UMAD1: variants seen among roughly 807,000 people sequenced by gnomAD.
UMAD1 encodes UBAP1-MVB12-associated (UMA)-domain containing protein 1.
Under a neutral mutation model 6.1 loss-of-function variants are expected in UMAD1, and 8 were observed. The observed-to-expected ratio is 1.30, with a 90% CI of 0.76 to 2.35. UMAD1 has a LOEUF of 2.35. Ranked by LOEUF, UMAD1 falls within the 30% of genes most tolerant of loss-of-function variation. UMAD1 has a pLI of 0.00. For missense variants in UMAD1, 130 were observed against 78.4 expected, an observed-to-expected ratio of 1.66 and a Z score of -2.49; for synonymous variants, 56 against 31.4, an observed-to-expected ratio of 1.78 and a Z score of -2.61.
chr7:7,865,516 C>T (rs1304886770), intron 3 of UMAD1, among the ~76,000 whole-genome samples: 2 of 152,184 alleles, frequency 1.3e-5, no homozygotes, highest in African/African-American at 4.8e-5. Context: ...AAAAAAATCC[C>T]TGTTTATGGA....
chr7:7,838,755 G>A (rs1220475507), intron 3 of UMAD1, among the ~76,000 whole-genome samples: 2 of 152,066 alleles, frequency 1.3e-5, no homozygotes, highest in African/African-American at 4.8e-5. Flanking sequence ...TACTCTTAAG[G>A]ATATGAAAAT....
rs1554329018 is a variant in UMAD1, at chr7:7,789,626, C to CCT, written c.83-12043_83-12042insTC. 1.8e-3 allele frequency among the ~76,000 whole-genome samples: 268 copies of CCT among 151,330 alleles called. 3 individuals are homozygous for CCT. The highest frequency in any genetic ancestry group is 6.4e-3 in the African/African-American group (262 of 40,836). ...TAAACAAAATACCCCTTCTCCCCTCCCCACAGACCCTGGAAACCACCATTC... is the reference window on the plus strand; with the variant it reads ...TAAACAAAATACCCCTTCTCCCCTCCCTCCACAGACCCTGGAAACCACCATTC... On this transcript the variant is annotated intron_variant, in intron 2 of 3. Transcript: ENST00000682710.
At chr7:7,833,936 G>A (rs762212665) in intron 3 of UMAD1, among the ~76,000 whole-genome samples, 14 of 151,656 alleles carry the variant, frequency 9.2e-5, no homozygotes, top group South Asian at 4.2e-4. Flanking sequence ...AGGAGATTCC[G>A]TGGGTAACCT....
intron 2 of UMAD1, chr7:7,687,278 T>C (rs1780061989): frequency 6.6e-6 from 1 of 152,212 alleles, no homozygotes; most frequent in Non-Finnish European, 1.5e-5. Flanking sequence ...TATCATGGTG[T>C]CTTCATTACA....
intron 1 of UMAD1, among the ~76,000 whole-genome samples, chr7:7,662,508 G>A (rs958437343): frequency 6.6e-6 from 1 of 152,162 alleles, no homozygotes; most frequent in South Asian, 2.1e-4. Flanking sequence ...CGTAGTATCC[G>A]GACCGGAGTG....
rs756458461 is a variant in UMAD1, at chr7:7,847,056, T to TAAA, written c.157-30207_157-30205dup. Among the ~76,000 whole-genome samples, 16 of 33,506 alleles carry TAAA rather than the reference T, an allele frequency of 4.8e-4. No individual in the cohort carries two copies. In the East Asian group the frequency reaches 6.0e-3, roughly 13 times the overall value. 22.0% of individuals were successfully genotyped at this position (33,506 alleles called of 152,430 possible). On this transcript the variant is annotated intron_variant, in intron 3 of 3. Transcript: ENST00000682710. The stretch of plus-strand genomic sequence containing the variant: ...ATGTACCCTAAAACTTAGAGTATAA[T>TAAA]AAAAAAAAAAAAAAAAAAAAGACAG...
intron 2 of UMAD1, among the ~76,000 whole-genome samples, chr7:7,682,613 G>T (rs1779941350): frequency 6.6e-6 from 1 of 152,082 alleles, no homozygotes; most frequent in Admixed American, 6.6e-5. Flanking sequence ...AAACTAAACA[G>T]GTTTTCAACA....
At position 7,774,599 on chromosome 7, in the gene UMAD1, G is replaced by T. The variant is rs1367745481; in HGVS notation, c.83-27071G>T. Among the ~76,000 whole-genome samples, 3 of 152,280 alleles carry T rather than the reference G, an allele frequency of 2.0e-5. No individual in the cohort carries two copies. In the East Asian group the frequency reaches 5.8e-4, roughly 29 times the overall value. On this transcript the variant is annotated intron_variant, in intron 2 of 3. Coordinates refer to ENST00000682710, the MANE Select transcript of UMAD1 (RefSeq NM_001302348.2). The stretch of plus-strand genomic sequence containing the variant: ...TTATGTCCTTTTTTTGGGAACTCTT[G>T]ACAACCAAGGAAAGAGAATACAAGA...
chr7:7,764,502 G>A (rs1463745010), intron 2 of UMAD1, among the ~76,000 whole-genome samples: 2 of 152,204 alleles, frequency 1.3e-5, no homozygotes, highest in Non-Finnish European at 2.9e-5. Flanking sequence ...TGGAAGGTGA[G>A]AGTAGTGTGA....
At chr7:7,683,310 C>T (rs1011092450) in intron 2 of UMAD1, among the ~76,000 whole-genome samples, 1 of 152,144 alleles carries the variant, frequency 6.6e-6, no homozygotes, top group African/African-American at 2.4e-5. Flanking sequence ...TTAAAAGGTC[C>T]TGGGATTAGG....
intron 3 of UMAD1, among the ~76,000 whole-genome samples, chr7:7,840,173 G>A (rs1245576082): frequency 3.3e-5 from 5 of 152,136 alleles, no homozygotes. Flanking sequence ...AGATTGTTAG[G>A]TAAATAGGGT....
chr7:7,718,436 T>C (rs1242701953), intron 2 of UMAD1: 2 of 152,196 alleles, frequency 1.3e-5, no homozygotes, highest in Admixed American at 6.5e-5. Context: ...AACTTGACTA[T>C]GTGTGTCTTC....
intron 3 of UMAD1, among the ~76,000 whole-genome samples, chr7:7,872,036 G>A (rs1583886839): frequency 6.6e-6 from 1 of 151,670 alleles, no homozygotes; most frequent in African/African-American, 2.4e-5. Context: ...CGAAAGAGGA[G>A]GGGGCCTTCA....
chr7:7,681,196 A>G (rs898528968), intron 2 of UMAD1, among the ~76,000 whole-genome samples: 1 of 152,188 alleles, frequency 6.6e-6, no homozygotes, highest in Non-Finnish European at 1.5e-5. Context: ...TAGAAAGGTC[A>G]GAGTAAATTA....
intron 2 of UMAD1, among the ~76,000 whole-genome samples, chr7:7,691,230 A>G (rs1407314957): frequency 6.6e-6 from 1 of 152,234 alleles, no homozygotes; most frequent in Non-Finnish European, 1.5e-5. Flanking sequence ...TCAAGCAAGT[A>G]TTAGGCAGGT....
intron 3 of UMAD1, among the ~76,000 whole-genome samples, chr7:7,869,606 T>C (rs997877058): frequency 1.3e-5 from 2 of 152,212 alleles, no homozygotes; most frequent in Non-Finnish European, 2.9e-5. Flanking sequence ...GTCTGAGGCA[T>C]AGGTTGCAGA....
chr7:7,871,609 G>C (rs181133127), intron 3 of UMAD1, among the ~76,000 whole-genome samples: 2 of 152,126 alleles, frequency 1.3e-5, no homozygotes, highest in Non-Finnish European at 2.9e-5. Context: ...TTGCTGTCTT[G>C]TCATCATTGT....
chr7:7,654,858 G>A (rs1239875741), intron 1 of UMAD1, among the ~76,000 whole-genome samples: 1 of 149,464 alleles, frequency 6.7e-6, no homozygotes, highest in African/African-American at 2.5e-5. Context: ...AGCCAAGATT[G>A]TGCCCCTGTA....
chr7:7,677,700 G>T, intron 2 of UMAD1, among the ~76,000 whole-genome samples: 1 of 117,924 alleles, frequency 8.5e-6, no homozygotes. Context: ...TTGAGACGGA[G>T]TCTCGCTCTG....
Sources: allele counts gnomAD v4.1 joint callset (sites outside exome capture counted in the v4.1 genomes callset), GRCh38; gene constraint gnomAD v4.1.1; transcripts MANE v1.5; gene names NCBI Gene and HGNC (gene_info 2026-07-23, HGNC 2026-07-21).